Variants in RAPGEF6 observed in about 807,000 individuals in gnomAD.
The protein encoded by RAPGEF6 is PDZ domain containing guanine nucleotide exchange factor (GEF) 2.
In RAPGEF6, 56 loss-of-function variants were observed where a neutral mutation model predicts 171.4. The observed-to-expected ratio is 0.33, with a 90% CI of 0.26 to 0.41. RAPGEF6 has a LOEUF of 0.41. RAPGEF6 is among the 10% of genes least tolerant of loss of function. RAPGEF6 has a pLI of 1.00. For missense variants in RAPGEF6, 1,674 were observed against 1,921.4 expected, an observed-to-expected ratio of 0.87 and a Z score of 2.41; for synonymous variants, 692 against 650.1, an observed-to-expected ratio of 1.06 and a Z score of -0.98.
chr5:131,474,450 A>G (rs1209488664), intron 16 of RAPGEF6, among the ~76,000 whole-genome samples: 1 of 152,162 alleles, frequency 6.6e-6, no homozygotes, highest in African/African-American at 2.4e-5. Context: ...TATCAAAACA[A>G]TAAATAAATA....
chr5:131,623,320 C>G (rs1255236794), intron 1 of RAPGEF6, among the ~76,000 whole-genome samples: 1 of 152,180 alleles, frequency 6.6e-6, no homozygotes, highest in Non-Finnish European at 1.5e-5. Flanking sequence ...AAGTAAAACA[C>G]TGTTTATGGC....
chr5:131,509,076 T>C (rs761132476), intron 8 of RAPGEF6, among the ~76,000 whole-genome samples: 8 of 152,156 alleles, frequency 5.3e-5, no homozygotes, highest in Non-Finnish European at 8.8e-5. Flanking sequence ...GTAGCTATTA[T>C]AAAAATGCAA....
chr5:131,628,443 C>T (rs1313582469), intron 1 of RAPGEF6, among the ~76,000 whole-genome samples: 1 of 152,142 alleles, frequency 6.6e-6, no homozygotes, highest in African/African-American at 2.4e-5. Flanking sequence ...GATGAGATGG[C>T]TGCAGAAGAA....
In RAPGEF6 at chr5:131,592,102, C is replaced by T. The variant is rs1477349848; in HGVS notation, c.281+281G>A. 1.2e-4 allele frequency among the ~76,000 whole-genome samples: 19 copies of T among 152,234 alleles called. No individual in the cohort carries two copies. The East Asian group carries it at 1.9e-3, about 15-fold the overall frequency. ...AACTCCCGACCTCAGGTGATCCGCC[C>T]GCATCAGTCTCCCAAAGTGCTGGGA... On this transcript the variant is annotated intron_variant, in intron 4 of 27. Coordinates refer to ENST00000509018, the MANE Select transcript of RAPGEF6 (RefSeq NM_016340.6).
intron 6 of RAPGEF6, among the ~76,000 whole-genome samples, chr5:131,538,143 C>G (rs558276350): frequency 6.6e-6 from 1 of 151,576 alleles, no homozygotes; most frequent in South Asian, 2.1e-4. Context: ...AAAAAAACTA[C>G]AAATTTCAGT....
At chr5:131,496,006 C>T (rs371520339) in intron 12 of RAPGEF6, among the ~76,000 whole-genome samples, 4 of 152,152 alleles carry the variant, frequency 2.6e-5, no homozygotes, top group African/African-American at 9.7e-5. Context: ...ATACCGAAAG[C>T]GTTTCCATGG....
At chr5:131,625,624 G>T (rs1765868818) in intron 1 of RAPGEF6, among the ~76,000 whole-genome samples, 1 of 152,060 alleles carries the variant, frequency 6.6e-6, no homozygotes, top group South Asian at 2.1e-4. Context: ...GACCATCCTG[G>T]CTAACATGGT....
At chr5:131,500,986 G>C (rs537411355) in intron 11 of RAPGEF6, among the ~76,000 whole-genome samples, 1 of 151,984 alleles carries the variant, frequency 6.6e-6, no homozygotes, top group African/African-American at 2.4e-5. Flanking sequence ...AGGTGCGGTG[G>C]CTCACACCTG....
At chr5:131,458,392 G>A (rs1025248272) in intron 19 of RAPGEF6, among the ~76,000 whole-genome samples, 9 of 152,166 alleles carry the variant, frequency 5.9e-5, no homozygotes, top group South Asian at 2.1e-4. Context: ...CACTATGATA[G>A]TAAGTTTCCT....
intron 1 of RAPGEF6, among the ~76,000 whole-genome samples, chr5:131,608,605 C>T (rs1393848094): frequency 6.6e-6 from 1 of 152,134 alleles, no homozygotes; most frequent in East Asian, 1.9e-4. Flanking sequence ...AAAATTTGAT[C>T]CCCAATGTAG....
Position 131,427,168 on chromosome 5 carries a change from C to T in RAPGEF6, c.*98G>A. 1.8e-6 allele frequency: 2 copies of T among 1,108,406 alleles called. No individual in the cohort carries two copies. The highest frequency in any genetic ancestry group is 2.8e-6 in the Non-Finnish European group (2 of 720,382). 68.7% of individuals were successfully genotyped at this position (1,108,406 alleles called of 1,614,324 possible). ...AATAAAACCTCTGGACTGGTTGTAG[C>T]AATGAGCTGTTCGTTAGCAATGGCC... On this transcript the variant is annotated 3_prime_UTR_variant, in exon 28 of 28. Coordinates refer to ENST00000509018, the MANE Select transcript of RAPGEF6 (RefSeq NM_016340.6).
intron 1 of RAPGEF6, among the ~76,000 whole-genome samples, chr5:131,610,897 A>G (rs1209418639): frequency 6.6e-6 from 1 of 152,164 alleles, no homozygotes; most frequent in East Asian, 1.9e-4. Context: ...CAGATTCCAA[A>G]CTACAGGGAG....
intron 1 of RAPGEF6, among the ~76,000 whole-genome samples, chr5:131,634,629 G>A (rs749428307): frequency 4.6e-5 from 7 of 152,076 alleles, no homozygotes; most frequent in Admixed American, 6.6e-5. Flanking sequence ...TTTCCATCTC[G>A]TTTTTCATAG....
At chr5:131,610,447 C>G (rs1764869037) in intron 1 of RAPGEF6, among the ~76,000 whole-genome samples, 1 of 152,168 alleles carries the variant, frequency 6.6e-6, no homozygotes, top group South Asian at 2.1e-4. Flanking sequence ...CGCAGGGCTG[C>G]TTTTATGTAA....
intron 21 of RAPGEF6, among the ~76,000 whole-genome samples, chr5:131,451,656 G>T (rs1481321322): frequency 6.6e-6 from 1 of 152,092 alleles, no homozygotes; most frequent in African/African-American, 2.4e-5. Context: ...GTGTATCACT[G>T]GTTCTATTGG....
At chr5:131,606,161 G>C (rs967518205) in intron 1 of RAPGEF6, among the ~76,000 whole-genome samples, 10 of 151,634 alleles carry the variant, frequency 6.6e-5, no homozygotes, top group Admixed American at 5.3e-4. Context: ...CCAGGAGTTA[G>C]AGACCAGCCT....
chr5:131,612,201 ATTTTTTTT>A lies in RAPGEF6; in HGVS notation c.70-7516_70-7509del, dbSNP rs35306366. ...AGGCGTGCACCACCATGCTCAGCTA[ATTTTTTTT>A]TTTTTTTTTTTTTTTTTGGTGATGA... On this transcript the variant is annotated intron_variant, in intron 1 of 27. Transcript: ENST00000509018. 4.8e-5 allele frequency among the ~76,000 whole-genome samples: 4 copies of A among 83,332 alleles called. No individual in the cohort carries two copies. In the Middle Eastern group the frequency reaches 0.021, roughly 440 times the overall value. 54.7% of individuals were successfully genotyped at this position (83,332 alleles called of 152,430 possible).
chr5:131,458,345 TGCCATGTAAGACAC>T (rs1291136030), intron 19 of RAPGEF6, among the ~76,000 whole-genome samples: 1 of 152,206 alleles, frequency 6.6e-6, no homozygotes, highest in Admixed American at 6.5e-5. Flanking sequence ...CTCTCTCTGC[TGCCATGTAAGACAC>T]GCCATGTTTG....
chr5:131,599,615 T>C (rs1764108244), intron 3 of RAPGEF6, among the ~76,000 whole-genome samples: 1 of 152,296 alleles, frequency 6.6e-6, no homozygotes, highest in Non-Finnish European at 1.5e-5. Context: ...ATCAACTGGA[T>C]GTCCATAGGG....
Sources: gnomAD v4.1 joint callset for allele counts (sites outside exome capture counted in the v4.1 genomes callset) on GRCh38, gnomAD v4.1.1 for gene constraint, MANE v1.5 for transcripts, NCBI Gene and HGNC (gene_info 2026-07-23, HGNC 2026-07-21) for gene names.